Variants in SDK1 observed in about 807,000 individuals in gnomAD.
SDK1 encodes protein sidekick-1.
In SDK1, 157 loss-of-function variants were observed where a neutral mutation model predicts 245.5. The ratio of observed to expected loss-of-function variants is 0.64; its 90% CI spans 0.56 to 0.73. The LOEUF is 0.73. SDK1 is among the 30% of genes least tolerant of loss of function. The probability of loss-of-function intolerance (pLI) is 0.00; values close to 1 mark genes in which losing one functional copy is unlikely to be tolerated. For missense variants in SDK1, 3,583 were observed against 3,002.3 expected, an observed-to-expected ratio of 1.19 and a Z score of -4.52; for synonymous variants, 1,647 against 1,278.5, an observed-to-expected ratio of 1.29 and a Z score of -6.15.
At chr7:3,913,501 G>T (rs922580331) in intron 5 of SDK1, among the ~76,000 whole-genome samples, 8 of 151,882 alleles carry the variant, frequency 5.3e-5, no homozygotes, top group African/African-American at 1.9e-4. Flanking sequence ...CACTATGTTA[G>T]CCAGGATGGT....
rs1440340731 is a variant in SDK1 at position 3,754,640 on chromosome 7, T to G, written c.714-66810T>G. Among the ~76,000 whole-genome samples the G allele has an allele frequency of 1.4e-5, 2 of 143,074 alleles. 1 individual carries two copies. Among genetic ancestry groups the G allele is most frequent in the Non-Finnish European group, 3.0e-5 (2 of 66,878 alleles). The allele number at this position is 143,074 out of a possible 152,430, so 93.9% of individuals were successfully genotyped here. A position where few individuals can be genotyped will look rare whatever the true frequency, so the allele number is the denominator to read the frequency against. On this transcript the variant is annotated intron_variant, in intron 4 of 44. Coordinates refer to ENST00000404826, the MANE Select transcript of SDK1 (RefSeq NM_152744.4). ...CCCAGGGAAGTTCTCCCCGGATTGC[T>G]GACTGGAGAAACAGCATGACGTGGT...
At chr7:4,163,860 T>C (rs659577) in intron 32 of SDK1, among the ~76,000 whole-genome samples, 41,776 of 152,132 alleles carry the variant, frequency 0.27, 7,378 homozygotes, top group African/African-American at 0.5. Context: ...TGACCATGTT[T>C]GAGGTATGAA....
intron 4 of SDK1, among the ~76,000 whole-genome samples, chr7:3,646,007 C>A (rs529160244): frequency 2.0e-5 from 3 of 152,036 alleles, no homozygotes; most frequent in Admixed American, 1.3e-4. Flanking sequence ...TACAGGCGCA[C>A]CCCACTATGC....
At chr7:3,549,743 A>T (rs1009827051) in intron 1 of SDK1, among the ~76,000 whole-genome samples, 1 of 152,152 alleles carries the variant, frequency 6.6e-6, no homozygotes, top group African/African-American at 2.4e-5. Flanking sequence ...TCTTTCTATA[A>T]ACAGCTTTAT....
intron 7 of SDK1, among the ~76,000 whole-genome samples, 168 bp from the exon 8 acceptor site, chr7:3,958,763 T>C (rs1379159713): frequency 2.6e-5 from 4 of 152,224 alleles, no homozygotes; most frequent in Admixed American, 1.3e-4. Flanking sequence ...AGACTGTAAA[T>C]TGCCTTTGGC....
chr7:4,122,846 C>A (rs1048097410), intron 25 of SDK1, among the ~76,000 whole-genome samples: 1 of 152,184 alleles, frequency 6.6e-6, no homozygotes, highest in African/African-American at 2.4e-5. Context: ...TAAGAGGTTT[C>A]TTTTTCAATT....
Position 3,616,793 on chromosome 7 carries a change from G to C in SDK1, c.299-2287G>C, listed in dbSNP as rs117249598. On this transcript the variant is annotated intron_variant, in intron 1 of 44. Coordinates refer to ENST00000404826, the MANE Select transcript of SDK1 (RefSeq NM_152744.4). ...TACACTATAGTTTAATGTGCAACTA[G>C]TTTCAGTGTTAACATTTCTAATGTG... Among the ~76,000 whole-genome samples the C allele has an allele frequency of 7.1e-3, 1,085 of 152,244 alleles. 3 individuals carry two copies. Among genetic ancestry groups the C allele is most frequent in the Non-Finnish European group, 0.012 (812 of 67,994 alleles).
chr7:3,330,650 A>G (rs549498066), intron 1 of SDK1, among the ~76,000 whole-genome samples: 1 of 152,212 alleles, frequency 6.6e-6, no homozygotes, highest in African/African-American at 2.4e-5. Context: ...CTCCAGAACC[A>G]TGAGCTATGT....
intron 2 of SDK1, among the ~76,000 whole-genome samples, chr7:3,624,635 T>C (rs546318002): frequency 1.4e-3 from 212 of 152,120 alleles, no homozygotes; most frequent in African/African-American, 5.1e-3. Context: ...GGGGAGGAAC[T>C]TTTTTTTCTA....
rs535627973 is a variant in SDK1 at position 3,999,487 on chromosome 7, G to C, written c.2132-11479G>C. Among the ~76,000 whole-genome samples, 19 of 152,350 alleles carry C rather than the reference G, an allele frequency of 1.2e-4. 1 individual carries two copies. In the South Asian group the frequency reaches 3.9e-3, roughly 32 times the overall value. ...AGGGAAGGGGGGTTCCCTGTGGGCA[G>C]GTGTGGGCATGGAGGCCCTTGGAGG... On this transcript the variant is annotated intron_variant, in intron 14 of 44. Coordinates refer to ENST00000404826, the MANE Select transcript of SDK1 (RefSeq NM_152744.4).
intron 4 of SDK1, among the ~76,000 whole-genome samples, chr7:3,669,793 C>G (rs1583290618): frequency 6.6e-6 from 1 of 152,180 alleles, no homozygotes; most frequent in Non-Finnish European, 1.5e-5. Context: ...ATTCAACAGC[C>G]TATTCATTGT....
At chr7:3,463,257 G>A (rs968526073) in intron 1 of SDK1, among the ~76,000 whole-genome samples, 9 of 152,104 alleles carry the variant, frequency 5.9e-5, no homozygotes, top group African/African-American at 2.2e-4. Context: ...AACCATGATA[G>A]CAAGAATATC....
intron 1 of SDK1, among the ~76,000 whole-genome samples, chr7:3,615,918 C>A (rs970843823): frequency 2.6e-5 from 4 of 151,814 alleles, no homozygotes; most frequent in African/African-American, 9.7e-5. Context: ...GGTCTGTCAC[C>A]CACACTGCCA....
intron 14 of SDK1, among the ~76,000 whole-genome samples, chr7:3,999,874 T>G (rs1784946474): frequency 6.6e-6 from 1 of 152,198 alleles, no homozygotes; most frequent in Non-Finnish European, 1.5e-5. Context: ...GCATCATTCC[T>G]GGCTGAAAAG....
intron 1 of SDK1, among the ~76,000 whole-genome samples, chr7:3,600,650 G>A (rs1435199553): frequency 1.4e-5 from 2 of 145,744 alleles, no homozygotes; most frequent in East Asian, 2.1e-4. Flanking sequence ...CCGGGTTCAC[G>A]CCATTCTCCT....
intron 5 of SDK1, among the ~76,000 whole-genome samples, chr7:3,827,740 A>G (rs1235545597): frequency 6.6e-6 from 1 of 152,152 alleles, no homozygotes; most frequent in Non-Finnish European, 1.5e-5. Flanking sequence ...TGTGTTTAAG[A>G]GCCAATGTGT....
intron 17 of SDK1, among the ~76,000 whole-genome samples, chr7:4,024,712 C>G (rs1266972050): frequency 6.6e-6 from 1 of 152,224 alleles, no homozygotes; most frequent in Non-Finnish European, 1.5e-5. Flanking sequence ...AGGTAACTCA[C>G]TTTCCCAAGG....
chr7:3,886,191 A>G (rs900977737), intron 5 of SDK1, among the ~76,000 whole-genome samples: 4 of 152,202 alleles, frequency 2.6e-5, no homozygotes, highest in Non-Finnish European at 5.9e-5. Context: ...CTTCTACAGC[A>G]ACTCCCAGCA....
At chr7:4,148,117 G>T (rs1325516017) in intron 29 of SDK1, among the ~76,000 whole-genome samples, 5 of 152,120 alleles carry the variant, frequency 3.3e-5, no homozygotes, top group African/African-American at 7.2e-5. Context: ...GTCCAAGAGA[G>T]CCTTTGAAAC....
Sources: allele counts gnomAD v4.1 joint callset (sites outside exome capture counted in the v4.1 genomes callset), GRCh38; gene constraint gnomAD v4.1.1; transcripts MANE v1.5; gene names NCBI Gene and HGNC (gene_info 2026-07-23, HGNC 2026-07-21).